STPG2: variants seen among roughly 807,000 people sequenced by gnomAD.
STPG2 encodes the protein sperm-tail PG-rich repeat-containing protein 2.
A neutral mutation model predicts 54.2 loss-of-function variants in STPG2; 56 were observed. That is an observed-to-expected ratio of 1.03 (90% confidence interval 0.83 to 1.29). STPG2 has a LOEUF of 1.29. Ranked by LOEUF, STPG2 falls within the 50% of genes most tolerant of loss-of-function variation. The pLI is 0.00. For missense variants in STPG2, 596 were observed against 544.9 expected, an observed-to-expected ratio of 1.09 and a Z score of -0.93; for synonymous variants, 200 against 181.8, an observed-to-expected ratio of 1.10 and a Z score of -0.81.
intron 7 of STPG2, among the ~76,000 whole-genome samples, chr4:97,950,064 T>C (rs191729478): frequency 6.6e-6 from 1 of 152,198 alleles, no homozygotes; most frequent in Non-Finnish European, 1.5e-5. Flanking sequence ...AATGTGTCTT[T>C]CATTTCCAGA....
intron 10 of STPG2, among the ~76,000 whole-genome samples, chr4:97,560,349 A>G (rs1381015891): frequency 6.6e-6 from 1 of 152,208 alleles, no homozygotes; most frequent in African/African-American, 2.4e-5. Context: ...GGGTACAGCC[A>G]TAAGACTCTC....
chr4:97,507,380 C>T (rs1730875107), intron 4 of STPG2, among the ~76,000 whole-genome samples: 1 of 151,974 alleles, frequency 6.6e-6, no homozygotes, highest in Admixed American at 6.6e-5. Context: ...TCAAAATATA[C>T]ACAGAACAAA....
At chr4:97,705,211 T>C (rs1723901669) in intron 10 of STPG2, among the ~76,000 whole-genome samples, 2 of 152,286 alleles carry the variant, frequency 1.3e-5, no homozygotes, top group African/African-American at 4.8e-5. Flanking sequence ...TTGCATATAC[T>C]GTTTCCTTTG....
intron 9 of STPG2, among the ~76,000 whole-genome samples, chr4:97,742,555 G>A (rs200157903): frequency 0.028 from 2,256 of 80,448 alleles, 40 homozygotes; most frequent in South Asian, 0.073. Flanking sequence ...GTGTGTGTGT[G>A]TGTGTGTGTG....
chr4:97,940,663 C>A (rs555248771), intron 8 of STPG2, among the ~76,000 whole-genome samples: 48 of 152,200 alleles, frequency 3.2e-4, no homozygotes, highest in Non-Finnish European at 5.9e-4. Flanking sequence ...CTGTTAGGTT[C>A]TTTTTTATAC....
intron 9 of STPG2, among the ~76,000 whole-genome samples, chr4:97,765,716 A>C (rs2149057692): frequency 6.6e-6 from 1 of 152,296 alleles, no homozygotes; most frequent in Admixed American, 6.5e-5. Flanking sequence ...GAGAAAACTG[A>C]CTAATGCATA....
At chr4:97,847,328 C>T (rs1045678758) in intron 8 of STPG2, among the ~76,000 whole-genome samples, 1 of 151,968 alleles carries the variant, frequency 6.6e-6, no homozygotes, top group Admixed American at 6.6e-5. Flanking sequence ...TAAACATATG[C>T]CTCGTAAAAT....
At chr4:97,545,229 T>C (rs1191215197) in intron 4 of STPG2, among the ~76,000 whole-genome samples, 3 of 152,094 alleles carry the variant, frequency 2.0e-5, no homozygotes, top group Non-Finnish European at 2.9e-5. Flanking sequence ...TCTGATTTAG[T>C]GCATCCAAGG....
intron 9 of STPG2, among the ~76,000 whole-genome samples, chr4:97,767,844 G>A (rs780983960): frequency 1.3e-5 from 2 of 152,136 alleles, no homozygotes; most frequent in Non-Finnish European, 2.9e-5. Flanking sequence ...GTCAAGAGAT[G>A]AGAAGAGAAA....
At chr4:98,142,290 T>G (rs187202767) in intron 1 of STPG2, among the ~76,000 whole-genome samples, 1 of 152,226 alleles carries the variant, frequency 6.6e-6, no homozygotes, top group East Asian at 1.9e-4. Context: ...TGAAAATACA[T>G]AGTGTAGGTA....
chr4:97,894,849 G>A (rs2149178654), intron 8 of STPG2, among the ~76,000 whole-genome samples: 1 of 151,996 alleles, frequency 6.6e-6, no homozygotes, highest in Non-Finnish European at 1.5e-5. Context: ...GAGAGAAAGA[G>A]TAAGAAATGG....
downstream of STPG2, among the ~76,000 whole-genome samples, chr4:97,558,577 A>G (rs1236472528): frequency 1.3e-5 from 2 of 152,134 alleles, no homozygotes; most frequent in Non-Finnish European, 2.9e-5. Context: ...ACTGAGGACA[A>G]CCTCCAGCCA....
At chr4:97,635,331 C>T (rs1721473123) in intron 10 of STPG2, among the ~76,000 whole-genome samples, 1 of 152,160 alleles carries the variant, frequency 6.6e-6, no homozygotes, top group Non-Finnish European at 1.5e-5. Context: ...AAAAGAGCTC[C>T]TGAAGGAAGC....
At chr4:97,766,655 T>TA (rs1726064150) in intron 9 of STPG2, among the ~76,000 whole-genome samples, 1 of 152,064 alleles carries the variant, frequency 6.6e-6, no homozygotes, top group African/African-American at 2.4e-5. Flanking sequence ...AATCTTTAAT[T>TA]AAAAATCAAT....
intron 10 of STPG2, among the ~76,000 whole-genome samples, chr4:97,592,974 C>T (rs1733184071): frequency 6.6e-6 from 1 of 152,142 alleles, no homozygotes; most frequent in Non-Finnish European, 1.5e-5. Flanking sequence ...GCACATCATG[C>T]TCCTCTAAGA....
chr4:98,066,778 C>T (rs113631277), intron 5 of STPG2, among the ~76,000 whole-genome samples: 3 of 152,246 alleles, frequency 2.0e-5, no homozygotes, highest in African/African-American at 7.2e-5. Context: ...AAATCACTTT[C>T]ACTATTAAGA....
intron 7 of STPG2, among the ~76,000 whole-genome samples, chr4:97,952,313 C>A (rs1328626681): frequency 6.6e-6 from 1 of 152,090 alleles, no homozygotes; most frequent in Non-Finnish European, 1.5e-5. Context: ...CCTTCATGAG[C>A]ACCAGAGCTG....
At chr4:97,644,167 TCCTTTTAAAATGGG>T (rs1267946131) in intron 10 of STPG2, among the ~76,000 whole-genome samples, 7 of 151,862 alleles carry the variant, frequency 4.6e-5, no homozygotes, top group Non-Finnish European at 7.4e-5. Flanking sequence ...GGAAAACCTT[TCCTTTTAAAATGGG>T]CATGCTTATA....
chr4:97,491,735 A>G (rs1343127541), intron 4 of STPG2, among the ~76,000 whole-genome samples: 1 of 151,552 alleles, frequency 6.6e-6, no homozygotes, highest in African/African-American at 2.4e-5. Flanking sequence ...TCAGATAGGT[A>G]GGCAAAGGAA....
Sources: gnomAD v4.1 joint callset for allele counts (sites outside exome capture counted in the v4.1 genomes callset) on GRCh38, gnomAD v4.1.1 for gene constraint, MANE v1.5 for transcripts, NCBI Gene and HGNC (gene_info 2026-07-23, HGNC 2026-07-21) for gene names.